The following LIMS1 variants were observed in gnomAD, a reference collection of about 807,000 sequenced individuals.
LIMS1 encodes LIM zinc finger domain containing 1.
In LIMS1, 18 loss-of-function variants were observed where a neutral mutation model predicts 44.1. The observed-to-expected ratio is 0.41, with a 90% CI of 0.28 to 0.61. The LOEUF is 0.61. Ranked by LOEUF, LIMS1 falls within the 20% of genes least tolerant of loss-of-function variation. The pLI is 0.32. For missense variants in LIMS1, 201 were observed against 422.0 expected (o/e 0.48, Z 4.59); for synonymous variants, 93 against 149.1 (o/e 0.62, Z 2.74).
At chr2:108,683,027 A>C (rs1327424056) in intron 9 of LIMS1, among the ~76,000 whole-genome samples, 7 of 152,212 alleles carry the variant, frequency 4.6e-5, no homozygotes, top group Non-Finnish European at 1.0e-4. Context: ...ACCATTTTAA[A>C]AATAAATTGA....
chr2:108,567,583 G>C (rs1161696876), intron 1 of LIMS1, among the ~76,000 whole-genome samples: 3 of 151,960 alleles, frequency 2.0e-5, no homozygotes, highest in African/African-American at 7.2e-5. Context: ...CTTGTTTTTT[G>C]TTTTTTGAGA....
intron 2 of LIMS1, among the ~76,000 whole-genome samples, chr2:108,661,540 A>G (rs1048597583): frequency 1.3e-5 from 2 of 152,064 alleles, no homozygotes; most frequent in African/African-American, 4.8e-5. Flanking sequence ...AGAGGGCAGG[A>G]GAGGAGCTCC....
chr2:108,610,390 T>C (rs1348459811), intron 1 of LIMS1, among the ~76,000 whole-genome samples: 1 of 152,114 alleles, frequency 6.6e-6, no homozygotes, highest in African/African-American at 2.4e-5. Context: ...GAAACAATCC[T>C]TATACTCATC....
rs74624435 is a variant in LIMS1 at position 108,562,915 on chromosome 2, A to G, written c.32+28321A>G. 5.0e-3 allele frequency among the ~76,000 whole-genome samples: 767 copies of G among 152,322 alleles called. 6 individuals carry two copies. The highest frequency in any genetic ancestry group is 0.018 in the African/African-American group (728 of 41,562). ...GGCAGGTTGACTCTCTTGTTAGGAG[A>G]TAATGTACCTAGTGACTTTAAATTG... On this transcript the variant is annotated intron_variant, in intron 1 of 9. Coordinates refer to ENST00000544547, the Ensembl canonical transcript of LIMS1.
At chr2:108,596,920 T>G (rs1159216025) in intron 1 of LIMS1, among the ~76,000 whole-genome samples, 1 of 138,766 alleles carries the variant, frequency 7.2e-6, no homozygotes, top group Non-Finnish European at 1.6e-5. Context: ...CATCTGTTTT[T>G]TTTTTTTTTT....
intron 1 of LIMS1, among the ~76,000 whole-genome samples, chr2:108,551,263 A>G (rs1390855480): frequency 1.3e-5 from 2 of 149,564 alleles, no homozygotes; most frequent in African/African-American, 4.9e-5. Flanking sequence ...GTTTGAGAAT[A>G]TTTTCATCAC....
intron 1 of LIMS1, among the ~76,000 whole-genome samples, chr2:108,592,100 T>G (rs1347320362): frequency 2.0e-5 from 3 of 152,114 alleles, no homozygotes; most frequent in African/African-American, 7.2e-5. Flanking sequence ...CAGCCTAGTT[T>G]TGTTTTTTTC....
At chr2:108,547,264 C>G (rs1293929862) in intron 1 of LIMS1, among the ~76,000 whole-genome samples, 1 of 152,162 alleles carries the variant, frequency 6.6e-6, no homozygotes, top group African/African-American at 2.4e-5. Flanking sequence ...TTAGGGATTG[C>G]TCTGCTGTAC....
intron 1 of LIMS1, among the ~76,000 whole-genome samples, chr2:108,538,783 G>A (rs1421777297): frequency 2.6e-5 from 4 of 152,102 alleles, no homozygotes; most frequent in African/African-American, 9.7e-5. Flanking sequence ...GTACATTGAC[G>A]TTGCTGTGCA....
chr2:108,668,467 A>G (rs1350760971), intron 2 of LIMS1, among the ~76,000 whole-genome samples: 1 of 152,170 alleles, frequency 6.6e-6, no homozygotes, highest in Non-Finnish European at 1.5e-5. Context: ...ATCATGTAGT[A>G]TTTGTCCTTC....
At chr2:108,562,022 A>G (rs1379974510) in intron 1 of LIMS1, among the ~76,000 whole-genome samples, 2 of 152,162 alleles carry the variant, frequency 1.3e-5, no homozygotes, top group East Asian at 3.9e-4. Context: ...GATTACAGGC[A>G]TGAGCCACCA....
intron 1 of LIMS1, among the ~76,000 whole-genome samples, chr2:108,552,203 A>G (rs921418027): frequency 6.9e-6 from 1 of 144,876 alleles, no homozygotes; most frequent in South Asian, 2.1e-4. Flanking sequence ...TATATAAAAT[A>G]TACAATATAT....
intron 1 of LIMS1, among the ~76,000 whole-genome samples, chr2:108,606,542 A>G (rs961536493): frequency 1.3e-4 from 20 of 152,254 alleles, no homozygotes; most frequent in African/African-American, 3.9e-4. Context: ...TCATGTTTGT[A>G]TGAAGCTTCT....
In LIMS1 at chr2:108,615,573, G is replaced by A. The variant is rs544965426; in HGVS notation, c.33-44032G>A. ...TGACCAAAGAAAAGGTGTTCATGGA[G>A]AAGGATCTGGGGAGCCCAGAGGCTG... is the stretch of plus-strand genomic sequence containing the variant. On this transcript the variant is annotated intron_variant, in intron 1 of 9. Coordinates refer to ENST00000544547, the Ensembl canonical transcript of LIMS1. Among the ~76,000 whole-genome samples the A allele has an allele frequency of 2.6e-5, 4 of 152,298 alleles. No homozygotes were observed. In the South Asian group the frequency reaches 8.3e-4, roughly 32 times the overall value.
At chr2:108,534,718 C>T (rs1190948650) in intron 1 of LIMS1, 124 bp downstream of exon 1, 22 of 397,822 alleles carry the variant, frequency 5.5e-5, no homozygotes, top group Non-Finnish European at 6.5e-5. Flanking sequence ...CTCCCCCGGT[C>T]GGCCGGAGCC....
intron 1 of LIMS1, among the ~76,000 whole-genome samples, chr2:108,654,658 T>G (rs1361860377): frequency 3.3e-5 from 5 of 152,090 alleles, no homozygotes; most frequent in Non-Finnish European, 7.4e-5. Flanking sequence ...AAGCCTCTTA[T>G]GCCCTCCAGA....
intron 1 of LIMS1, among the ~76,000 whole-genome samples, chr2:108,554,441 G>A (rs1436051416): frequency 1.3e-5 from 2 of 152,154 alleles, no homozygotes; most frequent in African/African-American, 4.8e-5. Flanking sequence ...TGCTACTGAA[G>A]GACAGTCTCT....
chr2:108,602,322 A>C (rs1311798343), intron 1 of LIMS1, among the ~76,000 whole-genome samples: 1 of 152,194 alleles, frequency 6.6e-6, no homozygotes, highest in Admixed American at 6.5e-5. Flanking sequence ...TAGCACTTCC[A>C]GTACTGTGTT....
intron 1 of LIMS1, among the ~76,000 whole-genome samples, chr2:108,545,240 A>G (rs557172793): frequency 3.5e-4 from 53 of 152,268 alleles, no homozygotes; most frequent in Middle Eastern, 3.4e-3. Flanking sequence ...CTCAGGGTAT[A>G]TGGTTTAACA....
Sources: allele counts gnomAD v4.1 joint callset (sites outside exome capture counted in the v4.1 genomes callset), GRCh38; gene constraint gnomAD v4.1.1; transcripts MANE v1.5; gene names NCBI Gene and HGNC (gene_info 2026-07-23, HGNC 2026-07-21).